Variants in NKAIN3 observed in about 807,000 individuals in gnomAD.
The protein encoded by NKAIN3 is sodium/potassium transporting ATPase interacting 3, also known as sodium/potassium-transporting ATPase subunit beta-1-interacting protein 3.
Under a neutral mutation model 30.2 loss-of-function variants are expected in NKAIN3, and 25 were observed. The ratio of observed to expected loss-of-function variants is 0.83; its 90% CI spans 0.60 to 1.16. The LOEUF is 1.16. NKAIN3 is among the 50% of genes most tolerant of loss of function. The pLI, the probability that NKAIN3 is intolerant of heterozygous loss-of-function variation, is 0.00. For synonymous variants in NKAIN3, 91 were observed against 89.6 expected, an observed-to-expected ratio of 1.02 and a Z score of -0.09; for missense variants, 225 against 254.1, an observed-to-expected ratio of 0.89 and a Z score of 0.78.
intron 3 of NKAIN3, among the ~76,000 whole-genome samples, chr8:62,627,112 A>T (rs1460819223): frequency 6.6e-6 from 1 of 152,166 alleles, no homozygotes; most frequent in Non-Finnish European, 1.5e-5. Flanking sequence ...TAATGGACAG[A>T]ATACACAATC....
rs2130915400 is a variant in NKAIN3, at chr8:62,972,714, T to C, written c.*7307T>C. On this transcript the variant is annotated 3_prime_UTR_variant, in exon 7 of 7. Coordinates refer to ENST00000623646, the MANE Select transcript of NKAIN3 (RefSeq NM_001304533.3). ...TATATACTTTAAGTTCTGGGATACA[T>C]GTGCAGAATGTGCAGGTTTGTTACA... is the stretch of plus-strand genomic sequence containing the variant. Among the ~76,000 whole-genome samples the C allele has an allele frequency of 2.0e-5, 3 of 152,304 alleles. No homozygotes were observed. The Middle Eastern group carries it at 0.01, about 518-fold the overall frequency.
intron 3 of NKAIN3, among the ~76,000 whole-genome samples, chr8:62,614,007 G>A (rs72651574): frequency 0.026 from 3,977 of 151,982 alleles, 81 homozygotes; most frequent in Non-Finnish European, 0.038. Context: ...TATTTCTTCA[G>A]GATTGGTCCC....
chr8:62,954,451 T>G (rs13261995), intron 6 of NKAIN3, among the ~76,000 whole-genome samples: 16,124 of 152,174 alleles, frequency 0.11, 1,011 homozygotes, highest in East Asian at 0.22. Context: ...ATGATATATG[T>G]AAAGCTGCCT....
At chr8:62,351,472 G>A (rs968955645) in intron 1 of NKAIN3, among the ~76,000 whole-genome samples, 1 of 149,312 alleles carries the variant, frequency 6.7e-6, no homozygotes, top group Non-Finnish European at 1.5e-5. Flanking sequence ...CTGTAGATAC[G>A]GAGGCCTGAC....
intron 3 of NKAIN3, among the ~76,000 whole-genome samples, chr8:62,729,284 G>A (rs1031082290): frequency 4.9e-4 from 74 of 152,008 alleles, no homozygotes; most frequent in African/African-American, 1.7e-3. Flanking sequence ...CCACGTAACA[G>A]TTCATCACAG....
intron 1 of NKAIN3, among the ~76,000 whole-genome samples, chr8:62,430,194 A>T (rs1380572014): frequency 6.6e-6 from 1 of 151,806 alleles, no homozygotes; most frequent in Non-Finnish European, 1.5e-5. Context: ...CCCCCTTTTA[A>T]GGCTGAATAA....
intron 4 of NKAIN3, among the ~76,000 whole-genome samples, chr8:62,794,455 T>A (rs1313880464): frequency 5.9e-5 from 9 of 152,188 alleles, no homozygotes. Context: ...AAAATAGTCC[T>A]GGATTCTGAA....
chr8:62,856,971 A>C (rs1820078719), intron 4 of NKAIN3: 7 of 540,446 alleles, frequency 1.3e-5, no homozygotes, highest in African/African-American at 3.9e-5. Context: ...CAAAAAAAAA[A>C]CAAACTATCT....
chr8:62,542,251 T>C (rs1808867996), intron 1 of NKAIN3, among the ~76,000 whole-genome samples: 1 of 152,198 alleles, frequency 6.6e-6, no homozygotes, highest in African/African-American at 2.4e-5. Context: ...TAGCTTTGGT[T>C]GCCTACTCTA....
intron 1 of NKAIN3, among the ~76,000 whole-genome samples, chr8:62,508,146 T>C (rs1807700682): frequency 6.6e-6 from 1 of 152,162 alleles, no homozygotes; most frequent in Non-Finnish European, 1.5e-5. Context: ...AGAAAGTAGT[T>C]CTGTGAAAAC....
intron 4 of NKAIN3, among the ~76,000 whole-genome samples, chr8:62,883,501 A>C (rs1480606564): frequency 8.6e-6 from 1 of 115,926 alleles, no homozygotes; most frequent in African/African-American, 3.4e-5. Context: ...AGATCATGTC[A>C]TCTGTGAAAA....
chr8:62,964,663 G>A (rs761219452), intron 6 of NKAIN3, among the ~76,000 whole-genome samples: 3 of 151,812 alleles, frequency 2.0e-5, no homozygotes, highest in African/African-American at 7.3e-5. Context: ...ACAGTCTGGA[G>A]GCAGACTTTC....
intron 5 of NKAIN3, among the ~76,000 whole-genome samples, chr8:62,920,306 C>T (rs563912721): frequency 1.4e-4 from 22 of 152,310 alleles, no homozygotes; most frequent in Non-Finnish European, 3.1e-4. Context: ...TTCTTTTCCT[C>T]CTCACTAAAC....
At chr8:62,938,821 T>C (rs781365277) in intron 5 of NKAIN3, among the ~76,000 whole-genome samples, 7 of 152,150 alleles carry the variant, frequency 4.6e-5, no homozygotes, top group Non-Finnish European at 8.8e-5. Flanking sequence ...AGAATAATTC[T>C]GGTAATATGA....
chr8:62,412,908 T>TGAAA (rs1563387359), intron 1 of NKAIN3, among the ~76,000 whole-genome samples: 9 of 75,884 alleles, frequency 1.2e-4, no homozygotes, highest in African/African-American at 4.3e-4. Context: ...TGAGACTCCG[T>TGAAA]CAAAAAAAAA....
At chr8:62,397,749 C>T (rs79003051) in intron 1 of NKAIN3, among the ~76,000 whole-genome samples, 4 of 152,138 alleles carry the variant, frequency 2.6e-5, no homozygotes, top group South Asian at 2.1e-4. Flanking sequence ...GTCGGCGCTA[C>T]GGCATCTGCC....
intron 4 of NKAIN3, among the ~76,000 whole-genome samples, chr8:62,758,251 C>T (rs200844312): frequency 2.6e-5 from 4 of 152,200 alleles, no homozygotes; most frequent in East Asian, 3.9e-4. Flanking sequence ...TGAGGAAACA[C>T]GACAACTAAA....
chr8:62,421,833 T>A (rs772821270), intron 1 of NKAIN3, among the ~76,000 whole-genome samples: 3 of 152,082 alleles, frequency 2.0e-5, no homozygotes, highest in African/African-American at 4.8e-5. Flanking sequence ...TCCCATTTTT[T>A]ATATATTGGG....
rs573590147 is a variant in NKAIN3 at position 62,812,052 on chromosome 8, C to T, written c.471+64923C>T. Among the ~76,000 whole-genome samples, 4 of 151,974 alleles carry T rather than the reference C, an allele frequency of 2.6e-5. No homozygotes were observed. In the East Asian group the frequency reaches 7.7e-4, roughly 29 times the overall value. Reference sequence around the variant, plus strand: ...AAATTTAGGTCAAGCTTTATTTTTGCCCATGGATATCTAATAGTTCCCACA... The same window carrying T: ...AAATTTAGGTCAAGCTTTATTTTTGTCCATGGATATCTAATAGTTCCCACA... On this transcript the variant is annotated intron_variant, in intron 4 of 6. Coordinates refer to ENST00000623646, the MANE Select transcript of NKAIN3 (RefSeq NM_001304533.3).
Sources: gnomAD v4.1 joint callset for allele counts (sites outside exome capture counted in the v4.1 genomes callset) on GRCh38, gnomAD v4.1.1 for gene constraint, MANE v1.5 for transcripts, NCBI Gene and HGNC (gene_info 2026-07-23, HGNC 2026-07-21) for gene names.